Variants in RAB17 observed in about 807,000 individuals in gnomAD.
RAB17 encodes ras-related protein Rab-17.
In RAB17, 15 loss-of-function variants were observed where a neutral mutation model predicts 19.3. That is an observed-to-expected ratio of 0.78 (90% confidence interval 0.52 to 1.20). The LOEUF (loss-of-function observed/expected upper bound fraction) is 1.20. RAB17 is among the 50% of genes most tolerant of loss of function. RAB17 has a pLI of 0.00. For missense variants in RAB17, 262 were observed against 269.3 expected (o/e 0.97, Z 0.19); for synonymous variants, 110 against 112.8 (o/e 0.97, Z 0.16).
chr2:237,586,166 A>G lies in RAB17; in HGVS notation c.-3-9T>C. On this transcript the variant is annotated splice_polypyrimidine_tract_variant and intron_variant, in intron 1 of 5. Coordinates refer to ENST00000264601, the MANE Select transcript of RAB17 (RefSeq NM_022449.4). ...TGTGCCTGTGCCATGCCCTGCAAAG[A>G]ATCACAACCGTCTGAAGCAAGTGGA... 6.3e-7 allele frequency: 1 copy of G among 1,575,782 alleles called. No homozygotes were observed. Among genetic ancestry groups the G allele is most frequent in the Non-Finnish European group, 8.6e-7 (1 of 1,163,980 alleles).
At chr2:237,582,870 G>C (rs147460901) in intron 2 of RAB17, among the ~76,000 whole-genome samples, 99 of 152,312 alleles carry the variant, frequency 6.5e-4, no homozygotes, top group Middle Eastern at 3.4e-3. Flanking sequence ...ACTTTGGGAG[G>C]CCAAGGGTGG....
chr2:237,579,700 G>A (rs1313258908), intron 2 of RAB17: 2 of 151,998 alleles, frequency 1.3e-5, no homozygotes, highest in Admixed American at 6.6e-5. Flanking sequence ...GCCTCTTTAC[G>A]GGTGGGAGAA....
At chr2:237,578,451 G>C (rs1051599792) in intron 2 of RAB17, 2 of 265,802 alleles carry the variant, frequency 7.5e-6, no homozygotes, top group Non-Finnish European at 1.4e-5. Flanking sequence ...TGCCGTGAAA[G>C]GGATCTCCAC....
chr2:237,578,238 C>G, intron 2 of RAB17, 83 bp from the exon 3 acceptor site: 1 of 1,407,154 alleles, frequency 7.1e-7, no homozygotes, highest in Non-Finnish European at 9.7e-7. Flanking sequence ...AAGCCGCAGG[C>G]ACAGCAATGG....
rs574237585 is a variant in RAB17, at chr2:237,575,191, G to A, written c.530-63C>T. On this transcript the variant is annotated intron_variant, in intron 5 of 5. Coordinates refer to ENST00000264601, the MANE Select transcript of RAB17 (RefSeq NM_022449.4). ...AAGTCGCCCAGCCCAGCACAGCCCT[G>A]CAGACCAGCCACCCCAGGACCCGCC... 5.1e-5 allele frequency: 72 copies of A among 1,398,294 alleles called. No individual in the cohort carries two copies. The African/African-American group carries it at 9.8e-4, about 19-fold the overall frequency. The allele number at this position is 1,398,294 out of a possible 1,614,324, so 86.6% of individuals were successfully genotyped here.
Position 237,578,078 on chromosome 2 carries a change from TCTC to T in RAB17, c.232_234del (p.Glu78del), listed in dbSNP as rs1207339636. The stretch of plus-strand genomic sequence containing the variant: ...TAGAGGTGGCAGACGCTGTGGTACT[TCTC>T]CTGGCCAGCTGTGTCCCAGATCTCA... On this transcript the variant is annotated inframe_deletion, in exon 3 of 6. Transcript: ENST00000264601. 3 of 1,613,864 alleles carry T rather than the reference TCTC, an allele frequency of 1.9e-6. No homozygotes were observed. The highest frequency in any genetic ancestry group is 2.7e-5 in the African/African-American group (2 of 75,026).
At position 237,590,282 on chromosome 2, in the gene RAB17, C is replaced by T. The variant is rs949941344; in HGVS notation, c.-4+185G>A. On this transcript the variant is annotated intron_variant, in intron 1 of 5. Coordinates refer to ENST00000264601, the MANE Select transcript of RAB17 (RefSeq NM_022449.4). ...AGAAATCTGAACTAGGAAGTCTCCGCCCCAGCTTTGTCCTTTGATTATACA... is the reference window on the plus strand; with the variant it reads ...AGAAATCTGAACTAGGAAGTCTCCGTCCCAGCTTTGTCCTTTGATTATACA... Among the ~76,000 whole-genome samples the T allele has an allele frequency of 2.6e-5, 4 of 152,192 alleles. No homozygotes were observed. The East Asian group carries it at 5.8e-4, about 22-fold the overall frequency.
intron 1 of RAB17, among the ~76,000 whole-genome samples, chr2:237,586,819 C>T (rs535814399): frequency 2.6e-5 from 4 of 152,202 alleles, no homozygotes; most frequent in Admixed American, 6.5e-5. Flanking sequence ...AGACCCACCT[C>T]CCGCTTCCCC....
chr2:237,581,306 T>A (rs2149185538), intron 2 of RAB17, among the ~76,000 whole-genome samples: 2 of 151,514 alleles, frequency 1.3e-5, no homozygotes, highest in East Asian at 3.9e-4. Context: ...CCCAGGAGGT[T>A]GAGGCTACAG....
intron 4 of RAB17, among the ~76,000 whole-genome samples, chr2:237,576,233 G>A (rs1339337610): frequency 6.6e-6 from 1 of 152,024 alleles, no homozygotes; most frequent in South Asian, 2.1e-4. Context: ...TCCTGGCCCG[G>A]AGATCCCTCG....
chr2:237,577,529 G>T, intron 3 of RAB17, 147 bp from the exon 4 acceptor site: 1 of 907,134 alleles, frequency 1.1e-6, no homozygotes, highest in Non-Finnish European at 1.6e-6. Context: ...GGGCTGCTCC[G>T]TTCCTCTGAG....
At chr2:237,575,764 T>C in intron 4 of RAB17, 1 of 448,242 alleles carries the variant, frequency 2.2e-6, no homozygotes, top group Middle Eastern at 6.1e-4. Context: ...TCCCCTCCCA[T>C]CATGCCTGTT....
intron 2 of RAB17, among the ~76,000 whole-genome samples, chr2:237,581,400 TA>T (rs1236981996): frequency 1.3e-5 from 2 of 151,794 alleles, no homozygotes; most frequent in African/African-American, 4.8e-5. Flanking sequence ...GTTCCTCTAC[TA>T]AATTTTATTT....
At chr2:237,575,219 T>C in intron 5 of RAB17, 91 bp from the exon 6 acceptor site, 1 of 1,139,424 alleles carries the variant, frequency 8.8e-7, no homozygotes, top group Non-Finnish European at 1.3e-6. Context: ...GACCCGCCCC[T>C]CCTGTGTTTA....
chr2:237,583,031 G>A (rs1402963617), intron 2 of RAB17, among the ~76,000 whole-genome samples: 1 of 152,230 alleles, frequency 6.6e-6, no homozygotes, highest in Non-Finnish European at 1.5e-5. Flanking sequence ...GAACCCAGGA[G>A]GCAGAGGATG....
intron 2 of RAB17, 104 bp downstream of exon 2, chr2:237,585,894 T>C (rs2081346018): frequency 2.4e-6 from 3 of 1,273,392 alleles, no homozygotes; most frequent in Non-Finnish European, 3.2e-6. Context: ...GGTCCCAGCA[T>C]GGGGATTCCT....
chr2:237,587,732 C>A (rs1238700127), intron 1 of RAB17, among the ~76,000 whole-genome samples: 1 of 151,712 alleles, frequency 6.6e-6, no homozygotes, highest in Non-Finnish European at 1.5e-5. Flanking sequence ...ATGCCTGGAA[C>A]CCCATCTTAG....
chr2:237,587,772 A>G (rs980748178), intron 1 of RAB17, among the ~76,000 whole-genome samples: 17 of 151,908 alleles, frequency 1.1e-4, no homozygotes, highest in African/African-American at 3.9e-4. Flanking sequence ...ACCATCAAGT[A>G]TGATGCTGGC....
chr2:237,575,899 C>T, intron 4 of RAB17: 1 of 177,652 alleles, frequency 5.6e-6, no homozygotes, highest in Admixed American at 5.6e-5. Context: ...TTTTCCAACA[C>T]AGCTCTCCTC....
Sources: allele counts gnomAD v4.1 joint callset (sites outside exome capture counted in the v4.1 genomes callset), GRCh38; gene constraint gnomAD v4.1.1; transcripts MANE v1.5; gene names NCBI Gene and HGNC (gene_info 2026-07-23, HGNC 2026-07-21).